PALLD: variants seen among roughly 807,000 people sequenced by gnomAD.
The protein encoded by PALLD is palladin.
Under a neutral mutation model 123.5 loss-of-function variants are expected in PALLD, and 61 were observed. That is an observed-to-expected ratio of 0.49 (90% CI 0.40 to 0.61). The LOEUF is 0.61. PALLD is among the 20% of genes least tolerant of loss of function. The probability of loss-of-function intolerance (pLI) is 0.00; values close to 1 mark genes in which losing one functional copy is unlikely to be tolerated. For missense variants in PALLD, 1,273 were observed against 1,377.0 expected (o/e 0.92, Z 1.20); for synonymous variants, 465 against 496.4 (o/e 0.94, Z 0.84).
At chr4:168,543,682 A>G (rs1213590241) in intron 2 of PALLD, among the ~76,000 whole-genome samples, 1 of 152,206 alleles carries the variant, frequency 6.6e-6, no homozygotes, top group Non-Finnish European at 1.5e-5. Context: ...TTTGAAGGGT[A>G]CCTTCCCACA....
intron 10 of PALLD, among the ~76,000 whole-genome samples, chr4:168,728,411 C>G (rs974111993): frequency 2.6e-5 from 4 of 151,886 alleles, no homozygotes; most frequent in African/African-American, 9.7e-5. Context: ...TTGTAGAGAC[C>G]TTTCACCTCC....
At chr4:168,871,249 A>T (rs1751032739) in intron 10 of PALLD, among the ~76,000 whole-genome samples, 1 of 152,238 alleles carries the variant, frequency 6.6e-6, no homozygotes, top group Non-Finnish European at 1.5e-5. Flanking sequence ...ATGAAAATGA[A>T]AAGTTGGGGA....
At position 168,896,580 on chromosome 4, in the gene PALLD, G is replaced by A; in HGVS notation, c.2231G>A (p.Ser744Asn). 1 of 1,518,004 alleles carries A rather than the reference G, an allele frequency of 6.6e-7. No individual in the cohort carries two copies. The highest frequency in any genetic ancestry group is 8.9e-7 in the Non-Finnish European group (1 of 1,129,828). The allele number at this position is 1,518,004 out of a possible 1,614,324, so 94.0% of individuals were successfully genotyped here. A position where few individuals can be genotyped will look rare whatever the true frequency, so the allele number is the denominator to read the frequency against. ...GGTTCTCCTCATGCTTCTGTAGGGA[G>A]TCCTCTGGATGGTCAAAAGGTTAAG... Reference protein sequence around the residue: ...DIGSPHASVGSPLDGQKEYKV... With the variant: ...DIGSPHASVGNPLDGQKEYKV... The change falls in exon 13 of 22, where the codon AGT becomes AAT. Residue 744 changes from serine (S) to asparagine (N), a missense_variant. Ser to Asn is a conservative substitution (Grantham distance 46). Around this residue, in one of 2 missense-constraint regions of PALLD, gnomAD observed 944 missense variants for 954.5 expected, o/e 0.99. Transcript: ENST00000505667.
chr4:168,754,436 C>T (rs1392963574), intron 10 of PALLD, among the ~76,000 whole-genome samples: 11 of 152,180 alleles, frequency 7.2e-5, no homozygotes, highest in Admixed American at 2.0e-4. Context: ...CAGTGCTATA[C>T]AGTAAAATTG....
intron 2 of PALLD, among the ~76,000 whole-genome samples, chr4:168,606,750 G>A (rs575521067): frequency 6.6e-6 from 1 of 151,804 alleles, no homozygotes; most frequent in Admixed American, 6.6e-5. Flanking sequence ...ACAAGAGCTT[G>A]GTGGCTGAAC....
At chr4:168,687,583 C>G (rs1015386650) in intron 6 of PALLD, among the ~76,000 whole-genome samples, 4 of 152,158 alleles carry the variant, frequency 2.6e-5, no homozygotes, top group African/African-American at 9.7e-5. Flanking sequence ...ATGCTGGTGG[C>G]ACAAGGGAAG....
chr4:168,700,516 T>C (rs1180881803), intron 8 of PALLD: 2 of 152,228 alleles, frequency 1.3e-5, no homozygotes, highest in Non-Finnish European at 1.5e-5. Context: ...TTACTGAGAA[T>C]TCCTTTAGAA....
At position 168,709,587 on chromosome 4, in the gene PALLD, GA is replaced by G. The variant is rs1443752461; in HGVS notation, c.1621+442del. On this transcript the variant is annotated intron_variant, in intron 9 of 21. Coordinates refer to ENST00000505667, the MANE Select transcript of PALLD (RefSeq NM_001166108.2). ...GGAAGGAAGGAAGGAAGGAAGGAAG[GA>G]AGGGAGGGAGGGAGGGAGGGAGGGA... Among the ~76,000 whole-genome samples, 16 of 2,338 alleles carry G rather than the reference GA, an allele frequency of 6.8e-3. 1 individual carries two copies. The highest frequency in any genetic ancestry group is 0.067 in the East Asian group (2 of 30). 1.5% of individuals were successfully genotyped at this position (2,338 alleles called of 152,430 possible).
chr4:168,728,706 G>GT (rs929665053), intron 10 of PALLD, among the ~76,000 whole-genome samples: 7 of 151,802 alleles, frequency 4.6e-5, no homozygotes, highest in East Asian at 1.9e-4. Context: ...CGTTTTAATT[G>GT]TTTTTTTATT....
At chr4:168,534,961 T>C (rs1448714429) in intron 2 of PALLD, among the ~76,000 whole-genome samples, 1 of 152,140 alleles carries the variant, frequency 6.6e-6, no homozygotes, top group Non-Finnish European at 1.5e-5. Flanking sequence ...TGAAAATATT[T>C]GAAAAAAAAT....
intron 15 of PALLD, chr4:168,904,230 A>G: frequency 9.8e-6 from 3 of 307,292 alleles, no homozygotes; most frequent in Non-Finnish European, 1.9e-5. Flanking sequence ...TTAACAAATA[A>G]TATAACTTCA....
intron 10 of PALLD, among the ~76,000 whole-genome samples, chr4:168,838,478 C>T (rs370728643): frequency 8.6e-5 from 13 of 151,204 alleles, no homozygotes; most frequent in East Asian, 7.8e-4. Context: ...AGTGCGGGGC[C>T]GGGGGTGCAG....
chr4:168,730,090 A>G (rs2150303787), intron 10 of PALLD, among the ~76,000 whole-genome samples: 1 of 152,290 alleles, frequency 6.6e-6, no homozygotes, highest in East Asian at 1.9e-4. Flanking sequence ...ATACATTCTG[A>G]AAATTTTCTT....
chr4:168,653,992 A>ATT (rs35311370), intron 2 of PALLD, among the ~76,000 whole-genome samples: 6 of 149,032 alleles, frequency 4.0e-5, no homozygotes, highest in East Asian at 2.0e-4. Flanking sequence ...GAGATCAGTT[A>ATT]TTTTTTTTTT....
At chr4:168,553,028 A>G (rs1285652931) in intron 2 of PALLD, among the ~76,000 whole-genome samples, 1 of 151,998 alleles carries the variant, frequency 6.6e-6, no homozygotes, top group Non-Finnish European at 1.5e-5. Context: ...ACATCCAACA[A>G]CCTATAACCC....
intron 2 of PALLD, among the ~76,000 whole-genome samples, chr4:168,580,156 AAGATGATGTCCTCC>A (rs1770090013): frequency 6.6e-6 from 1 of 151,922 alleles, no homozygotes; most frequent in Non-Finnish European, 1.5e-5. Flanking sequence ...TATTTCACTT[AAGATGATGTCCTCC>A]AGCCTCATCA....
At chr4:168,854,688 TC>T (rs1247208448) in intron 10 of PALLD, among the ~76,000 whole-genome samples, 1 of 152,148 alleles carries the variant, frequency 6.6e-6, no homozygotes, top group Non-Finnish European at 1.5e-5. Flanking sequence ...AAATCACAGC[TC>T]CCTGTTCTCT....
At chr4:168,532,988 A>G (rs1037851232) in intron 2 of PALLD, among the ~76,000 whole-genome samples, 27 of 152,250 alleles carry the variant, frequency 1.8e-4, no homozygotes, top group Admixed American at 1.4e-3. Flanking sequence ...AAGCTTCTAA[A>G]GAATTAAAAT....
chr4:168,675,932 T>C (rs1289437117), intron 3 of PALLD, among the ~76,000 whole-genome samples: 1 of 152,140 alleles, frequency 6.6e-6, no homozygotes, highest in Non-Finnish European at 1.5e-5. Flanking sequence ...GGTGCACACC[T>C]GTAGTCCCAG....
Sources: gnomAD v4.1 joint callset for allele counts (sites outside exome capture counted in the v4.1 genomes callset) on GRCh38, gnomAD v4.1.1 for gene constraint, gnomAD v4.1.1 regional missense constraint, MANE v1.5 for transcripts, NCBI Gene and HGNC (gene_info 2026-07-23, HGNC 2026-07-21) for gene names.